Variants in SLC35F3 observed in about 807,000 individuals in gnomAD.
SLC35F3 encodes the protein solute carrier family 35 member F3.
SLC35F3 carries 25 observed loss-of-function variants against 49.9 expected under a neutral mutation model. The ratio of observed to expected loss-of-function variants is 0.50; its 90% CI spans 0.37 to 0.70. The LOEUF is 0.70. Among genes scored for constraint, SLC35F3 ranks in the 30% least tolerant of loss-of-function variants. The pLI is 0.00. For synonymous variants in SLC35F3, 275 were observed against 265.4 expected, an observed-to-expected ratio of 1.04 and a Z score of -0.35; for missense variants, 525 against 639.8, an observed-to-expected ratio of 0.82 and a Z score of 1.94.
At chr1:234,200,107 A>G (rs773998642) in intron 2 of SLC35F3, among the ~76,000 whole-genome samples, 2 of 152,248 alleles carry the variant, frequency 1.3e-5, no homozygotes, top group East Asian at 1.9e-4. Context: ...TAGAACTACC[A>G]TATGATCCAG....
chr1:234,007,228 T>C, intron 2 of SLC35F3, among the ~76,000 whole-genome samples: 1 of 152,102 alleles, frequency 6.6e-6, no homozygotes, highest in East Asian at 1.9e-4. Context: ...GTAAGTGATA[T>C]GGAAAAGGAA....
intron 2 of SLC35F3, among the ~76,000 whole-genome samples, chr1:234,205,423 T>G (rs940661924): frequency 2.0e-5 from 3 of 152,200 alleles, no homozygotes; most frequent in Non-Finnish European, 2.9e-5. Flanking sequence ...ATCGCGCCAG[T>G]GCACTCCAGC....
At chr1:234,288,504 T>A (rs1348494713) in intron 3 of SLC35F3, among the ~76,000 whole-genome samples, 1 of 152,228 alleles carries the variant, frequency 6.6e-6, no homozygotes, top group East Asian at 1.9e-4. Context: ...ATGTTTTTAG[T>A]CTATGTCTGT....
chr1:233,999,419 CG>C (rs1663514079), intron 2 of SLC35F3, among the ~76,000 whole-genome samples: 1 of 152,084 alleles, frequency 6.6e-6, no homozygotes, highest in Non-Finnish European at 1.5e-5. Flanking sequence ...ATTTCTCTGC[CG>C]CTCCATATCT....
At chr1:233,991,950 G>C (rs1663361521) in intron 2 of SLC35F3, among the ~76,000 whole-genome samples, 1 of 152,100 alleles carries the variant, frequency 6.6e-6, no homozygotes, top group Non-Finnish European at 1.5e-5. Context: ...CAAAGAAAAA[G>C]AACTTCTCTT....
At chr1:234,017,556 T>C (rs1663822178) in intron 2 of SLC35F3, among the ~76,000 whole-genome samples, 1 of 150,506 alleles carries the variant, frequency 6.6e-6, no homozygotes, top group Non-Finnish European at 1.5e-5. Context: ...TACTAAAAAA[T>C]ACAAAAAATT....
intron 2 of SLC35F3, among the ~76,000 whole-genome samples, chr1:234,079,791 G>A (rs942187162): frequency 3.9e-5 from 6 of 152,162 alleles, no homozygotes; most frequent in African/African-American, 9.6e-5. Context: ...TAGAGAAATC[G>A]GAACCTTCAT....
chr1:234,086,890 C>A (rs1664969614), intron 2 of SLC35F3, among the ~76,000 whole-genome samples: 1 of 152,206 alleles, frequency 6.6e-6, no homozygotes, highest in South Asian at 2.1e-4. Context: ...GACTTATCGT[C>A]CCTGCCTTGA....
At chr1:234,137,577 G>A (rs528761480) in intron 2 of SLC35F3, among the ~76,000 whole-genome samples, 2 of 152,312 alleles carry the variant, frequency 1.3e-5, no homozygotes, top group Admixed American at 6.5e-5. Context: ...TGAAAGGAAA[G>A]AGAGAGAGAC....
chr1:234,165,105 A>C (rs1453918848), intron 2 of SLC35F3, among the ~76,000 whole-genome samples: 1 of 151,764 alleles, frequency 6.6e-6, no homozygotes, highest in African/African-American at 2.4e-5. Flanking sequence ...CTTTATTTGC[A>C]AAAACAGGCT....
chr1:233,922,160 T>C (rs1662073654), intron 2 of SLC35F3, among the ~76,000 whole-genome samples: 1 of 152,234 alleles, frequency 6.6e-6, no homozygotes, highest in Admixed American at 6.5e-5. Context: ...ATATACCCAG[T>C]AATGGGATGG....
At chr1:234,057,352 A>C (rs148385377) in intron 2 of SLC35F3, among the ~76,000 whole-genome samples, 168 of 152,298 alleles carry the variant, frequency 1.1e-3, no homozygotes, top group African/African-American at 3.8e-3. Flanking sequence ...TTTAGTTTTT[A>C]GAATGTAACT....
At chr1:234,244,195 T>C (rs1476010454) in intron 3 of SLC35F3, among the ~76,000 whole-genome samples, 2 of 152,226 alleles carry the variant, frequency 1.3e-5, no homozygotes, top group Non-Finnish European at 2.9e-5. Flanking sequence ...GATATCCTTA[T>C]TGGCCAAAAG....
At chr1:234,085,219 C>A (rs2102874529) in intron 2 of SLC35F3, among the ~76,000 whole-genome samples, 1 of 152,232 alleles carries the variant, frequency 6.6e-6, no homozygotes, top group South Asian at 2.1e-4. Context: ...TAAGCTGGGT[C>A]CAAGGTAATT....
chr1:234,125,116 A>G (rs1665627910), intron 2 of SLC35F3, among the ~76,000 whole-genome samples: 1 of 151,988 alleles, frequency 6.6e-6, no homozygotes, highest in Admixed American at 6.5e-5. Flanking sequence ...TTGTGTCACC[A>G]TCCTATCCCG....
chr1:234,194,487 G>A (rs1666774486), intron 2 of SLC35F3, among the ~76,000 whole-genome samples: 1 of 151,966 alleles, frequency 6.6e-6, no homozygotes, highest in South Asian at 2.1e-4. Flanking sequence ...CTACAAATTG[G>A]GTTCAGCGTT....
chr1:234,098,413 T>TGTTGG (rs1665160516), intron 2 of SLC35F3, among the ~76,000 whole-genome samples: 1 of 114,600 alleles, frequency 8.7e-6, no homozygotes, highest in Admixed American at 8.9e-5. Context: ...GGTGATTGTG[T>TGTTGG]TGGTGGTGGT....
At chr1:234,080,448 A>G (rs1284880342) in intron 2 of SLC35F3, among the ~76,000 whole-genome samples, 1 of 152,236 alleles carries the variant, frequency 6.6e-6, no homozygotes, top group Non-Finnish European at 1.5e-5. Context: ...GTTCCTAACC[A>G]CATTATTCAT....
chr1:234,100,382 G>C (rs977640338), intron 2 of SLC35F3, among the ~76,000 whole-genome samples: 3 of 152,126 alleles, frequency 2.0e-5, no homozygotes. Context: ...CTATATCGAC[G>C]TCTTTTAATG....
Sources: gnomAD v4.1 joint callset for allele counts (sites outside exome capture counted in the v4.1 genomes callset) on GRCh38, gnomAD v4.1.1 for gene constraint, MANE v1.5 for transcripts, NCBI Gene and HGNC (gene_info 2026-07-23, HGNC 2026-07-21) for gene names.